The following HSPA12A variants were observed in gnomAD, a reference collection of about 807,000 sequenced individuals.
HSPA12A encodes heat shock 70 kDa protein 12A.
Under a neutral mutation model 69.2 loss-of-function variants are expected in HSPA12A, and 28 were observed. The ratio of observed to expected loss-of-function variants is 0.40; its 90% CI spans 0.30 to 0.55. The LOEUF is 0.55. Among genes scored for constraint, HSPA12A ranks in the 20% least tolerant of loss-of-function variants. The pLI is 0.38. For missense variants in HSPA12A, 686 were observed against 900.7 expected (o/e 0.76, Z 3.05); for synonymous variants, 345 against 370.5 (o/e 0.93, Z 0.79).
intron 1 of HSPA12A, among the ~76,000 whole-genome samples, chr10:116,717,054 A>G (rs36056904): frequency 6.6e-6 from 1 of 152,242 alleles, no homozygotes; most frequent in Non-Finnish European, 1.5e-5. Context: ...CACTCACTGC[A>G]TGTGTATTTC....
intron 2 of HSPA12A, among the ~76,000 whole-genome samples, chr10:116,752,650 AG>A (rs1426429681): frequency 2.0e-5 from 3 of 152,244 alleles, no homozygotes; most frequent in African/African-American, 4.8e-5. Flanking sequence ...GCAAAAGAGC[AG>A]GGTGCAAGGA....
rs550485657 is a variant in HSPA12A at position 116,780,911 on chromosome 10, G to T, written c.91+54024C>A. Reference sequence around the variant, plus strand: ...AAAGTAATGCTACATTTCAGCCAGAGATTAATGAAAATAAGGACATAAACT... The same window carrying T: ...AAAGTAATGCTACATTTCAGCCAGATATTAATGAAAATAAGGACATAAACT... On this transcript the variant is annotated intron_variant, in intron 2 of 12. Transcript: ENST00000635765. Among the ~76,000 whole-genome samples, 13 of 152,316 alleles carry T rather than the reference G, an allele frequency of 8.5e-5. 1 individual carries two copies. In the East Asian group the frequency reaches 2.1e-3, roughly 25 times the overall value.
chr10:116,806,882 G>A (rs1028949495), intron 2 of HSPA12A, among the ~76,000 whole-genome samples: 14 of 152,224 alleles, frequency 9.2e-5, no homozygotes, highest in Non-Finnish European at 2.9e-5. Context: ...CTCTGCAGAT[G>A]TAATTAAGGA....
chr10:116,787,440 CAAAA>C (rs776783179), intron 2 of HSPA12A, among the ~76,000 whole-genome samples: 1 of 68,622 alleles, frequency 1.5e-5, no homozygotes, highest in African/African-American at 5.5e-5. Flanking sequence ...CTCTAGCCAG[CAAAA>C]AAAAAAAAAA....
intron 2 of HSPA12A, among the ~76,000 whole-genome samples, chr10:116,764,824 A>G (rs532718405): frequency 6.6e-6 from 1 of 152,360 alleles, no homozygotes; most frequent in East Asian, 1.9e-4. Flanking sequence ...CAATATAGCC[A>G]CACAAAAAAA....
upstream of HSPA12A, chr10:116,850,181 G>GCCTATTCTGGGGCCTCAT (rs1189535469): frequency 2.0e-5 from 5 of 243,978 alleles, no homozygotes; most frequent in African/African-American, 1.2e-4. Context: ...CTTGGCTTCA[G>GCCTATTCTGGGGCCTCAT]CCTATTCTGG....
chr10:116,842,112 A>C (rs1027305705), intron 1 of HSPA12A, among the ~76,000 whole-genome samples: 1 of 152,204 alleles, frequency 6.6e-6, no homozygotes, highest in African/African-American at 2.4e-5. Flanking sequence ...AGATTAACTT[A>C]AAGTACGTTT....
intron 1 of HSPA12A, among the ~76,000 whole-genome samples, chr10:116,836,767 G>A (rs952399638): frequency 3.4e-5 from 4 of 118,522 alleles, no homozygotes; most frequent in Admixed American, 8.1e-5. Context: ...TAAACGAACC[G>A]AACACACACA....
chr10:116,679,717 GT>G lies in HSPA12A; in HGVS notation c.1071del (p.Lys357AsnfsTer26), dbSNP rs782468606. ...GSLGVDYEFE[K>X]LLYKIFGEDF... Reference sequence around the variant, plus strand: ...TCCTCTCCAAATATTTTATACAGAAGTTTTTCGAACTCATAATCTACTCCTA... The same window carrying G: ...TCCTCTCCAAATATTTTATACAGAAGTTTTCGAACTCATAATCTACTCCTA... On this transcript the variant is annotated frameshift_variant, in exon 10 of 12. Coordinates refer to ENST00000369209, the MANE Select transcript of HSPA12A (RefSeq NM_025015.3). LOFTEE classifies it high-confidence loss of function. The G allele has an allele frequency of 6.2e-7, 1 of 1,614,168 alleles. No individual in the cohort carries two copies. Among genetic ancestry groups the G allele is most frequent in the Admixed American group, 1.7e-5 (1 of 60,020 alleles).
chr10:116,826,068 A>C (rs1845499347), intron 2 of HSPA12A, among the ~76,000 whole-genome samples: 1 of 151,494 alleles, frequency 6.6e-6, no homozygotes, highest in South Asian at 2.1e-4. Context: ...CCCGAAGTCG[A>C]CTCTGCTCCT....
intron 1 of HSPA12A, among the ~76,000 whole-genome samples, chr10:116,713,083 T>TA (rs55995835): frequency 0.58 from 78,832 of 135,524 alleles, 23,047 homozygotes; most frequent in South Asian, 0.7. Context: ...TCAGGCTATT[T>TA]AAAAAAAAAA....
chr10:116,847,157 A>G (rs1353340732), intron 1 of HSPA12A, among the ~76,000 whole-genome samples: 1 of 152,180 alleles, frequency 6.6e-6, no homozygotes, highest in African/African-American at 2.4e-5. Context: ...TCAAAACCAG[A>G]TGACGCACTG....
intron 2 of HSPA12A, among the ~76,000 whole-genome samples, chr10:116,784,477 T>C (rs564981063): frequency 1.9e-4 from 29 of 152,388 alleles, no homozygotes; most frequent in Admixed American, 6.5e-5. Context: ...TCATCTGTCC[T>C]GTTCATTTCA....
intron 2 of HSPA12A, among the ~76,000 whole-genome samples, chr10:116,818,097 C>A (rs983877199): frequency 6.6e-6 from 1 of 152,210 alleles, no homozygotes; most frequent in African/African-American, 2.4e-5. Flanking sequence ...CTTTCCCTGG[C>A]CACACACTGC....
chr10:116,764,729 A>G (rs1384713107), intron 2 of HSPA12A, among the ~76,000 whole-genome samples: 1 of 152,198 alleles, frequency 6.6e-6, no homozygotes, highest in Non-Finnish European at 1.5e-5. Flanking sequence ...ATTTAAATCC[A>G]AAGGGTTTTT....
chr10:116,681,625 A>T (rs565148156), intron 8 of HSPA12A, among the ~76,000 whole-genome samples, 166 bp downstream of exon 8: 1 of 152,360 alleles, frequency 6.6e-6, no homozygotes, highest in African/African-American at 2.4e-5. Context: ...CTGGTTTTAC[A>T]ACATGCAAAA....
chr10:116,836,768 AACACACACACAC>A (rs75862523), intron 1 of HSPA12A, among the ~76,000 whole-genome samples: 2 of 146,514 alleles, frequency 1.4e-5, no homozygotes, highest in Non-Finnish European at 3.0e-5. Flanking sequence ...AAACGAACCG[AACACACACACAC>A]ACACACACAC....
chr10:116,817,883 C>T (rs1028174994), intron 2 of HSPA12A, among the ~76,000 whole-genome samples: 9 of 152,212 alleles, frequency 5.9e-5, no homozygotes, highest in Non-Finnish European at 8.8e-5. Flanking sequence ...AGCAGCAGTT[C>T]GGTTGCCCTG....
intron 2 of HSPA12A, among the ~76,000 whole-genome samples, chr10:116,797,501 T>A (rs1844854837): frequency 6.6e-6 from 1 of 152,164 alleles, no homozygotes; most frequent in Non-Finnish European, 1.5e-5. Context: ...CATATGTGTT[T>A]GAGTGTGTGT....
Sources: gnomAD v4.1 joint callset for allele counts (sites outside exome capture counted in the v4.1 genomes callset) on GRCh38, gnomAD v4.1.1 for gene constraint, MANE v1.5 for transcripts, NCBI Gene and HGNC (gene_info 2026-07-23, HGNC 2026-07-21) for gene names.